BBS9: variants seen among roughly 807,000 people sequenced by gnomAD.
BBS9 encodes Bardet-Biedl syndrome 9, also known as protein PTHB1.
A neutral mutation model predicts 117.7 loss-of-function variants in BBS9; 89 were observed. The ratio of observed to expected loss-of-function variants is 0.76; its 90% CI spans 0.64 to 0.90. The LOEUF (loss-of-function observed/expected upper bound fraction) is 0.90. Ranked by LOEUF, BBS9 falls within the 40% of genes least tolerant of loss-of-function variation. BBS9 has a pLI of 0.00. For synonymous variants in BBS9, 379 were observed against 370.9 expected (o/e 1.02, Z -0.25); for missense variants, 982 against 1,042.2 (o/e 0.94, Z 0.80).
chr7:33,305,750 G>A (rs375809884), intron 9 of BBS9, among the ~76,000 whole-genome samples: 1 of 151,902 alleles, frequency 6.6e-6, no homozygotes, highest in South Asian at 2.1e-4. Flanking sequence ...TGGTTGTAAT[G>A]TCTCCCTTTT....
chr7:33,151,791 T>C (rs771061108), intron 2 of BBS9, among the ~76,000 whole-genome samples: 21 of 151,656 alleles, frequency 1.4e-4, no homozygotes, highest in Non-Finnish European at 2.8e-4. Flanking sequence ...TCTCAAGTGA[T>C]CTGCCTGCCT....
chr7:33,572,099 C>T (rs1857898379), intron 21 of BBS9, among the ~76,000 whole-genome samples: 1 of 151,900 alleles, frequency 6.6e-6, no homozygotes, highest in African/African-American at 2.4e-5. Context: ...TCCTCACTAC[C>T]CTCCCAGCCT....
intron 19 of BBS9, among the ~76,000 whole-genome samples, chr7:33,505,183 A>AGG (rs1353831133): frequency 6.6e-6 from 1 of 152,222 alleles, no homozygotes; most frequent in Non-Finnish European, 1.5e-5. Context: ...GAAAGTCAAT[A>AGG]GATGGCAAAG....
chr7:33,558,275 G>A (rs937393658), intron 21 of BBS9, among the ~76,000 whole-genome samples: 1 of 152,148 alleles, frequency 6.6e-6, no homozygotes, highest in Non-Finnish European at 1.5e-5. Context: ...GTAATTAGAT[G>A]AAGGCAGTAA....
At chr7:33,242,639 T>C (rs1238242762) in intron 5 of BBS9, among the ~76,000 whole-genome samples, 1 of 152,156 alleles carries the variant, frequency 6.6e-6, no homozygotes, top group Non-Finnish European at 1.5e-5. Flanking sequence ...TATGCTATTC[T>C]CCTCCTCTAC....
chr7:33,583,720 A>G (rs1300182418), intron 21 of BBS9, among the ~76,000 whole-genome samples: 3 of 152,082 alleles, frequency 2.0e-5, no homozygotes, highest in Non-Finnish European at 4.4e-5. Context: ...TGACCTGGAG[A>G]GGCCAAATGC....
chr7:33,497,263 C>T (rs995199310), intron 19 of BBS9, among the ~76,000 whole-genome samples: 2 of 152,170 alleles, frequency 1.3e-5, no homozygotes, highest in Non-Finnish European at 2.9e-5. Context: ...GGGTTCCATT[C>T]AAATTGGGAG....
chr7:33,412,915 C>A (rs952604078), intron 19 of BBS9, among the ~76,000 whole-genome samples: 1 of 152,068 alleles, frequency 6.6e-6, no homozygotes, highest in African/African-American at 2.4e-5. Context: ...CTTGAGTTAG[C>A]CTTTTATTCT....
chr7:33,291,793 A>G (rs1295259156), intron 9 of BBS9, among the ~76,000 whole-genome samples: 1 of 152,210 alleles, frequency 6.6e-6, no homozygotes, highest in African/African-American at 2.4e-5. Flanking sequence ...TCAGGAAGCC[A>G]TGTAGCATGG....
chr7:33,557,222 G>C (rs1855422002), intron 21 of BBS9, among the ~76,000 whole-genome samples: 2 of 152,074 alleles, frequency 1.3e-5, no homozygotes, highest in Non-Finnish European at 2.9e-5. Context: ...ATTATCCCAA[G>C]GTGCTTAATT....
intron 19 of BBS9, among the ~76,000 whole-genome samples, chr7:33,416,636 C>A (rs1270247406): frequency 6.6e-6 from 1 of 152,096 alleles, no homozygotes; most frequent in Non-Finnish European, 1.5e-5. Flanking sequence ...ACAGTGATGG[C>A]CACCATGCCT....
At chr7:33,344,052 C>A (rs1260962766) in intron 11 of BBS9, among the ~76,000 whole-genome samples, 2 of 148,710 alleles carry the variant, frequency 1.3e-5, no homozygotes, top group East Asian at 3.9e-4. Flanking sequence ...AAATATGTGA[C>A]CTTTTCTTTC....
rs1259187137 is a variant in BBS9, at chr7:33,363,949, T to A, written c.1694-3818T>A. ...CTATATTTTTATTTTTTTTTTTATT[T>A]TTTATTTTTTTTTTTTTGAGACGGA... is the stretch of plus-strand genomic sequence containing the variant. On this transcript the variant is annotated intron_variant, in intron 16 of 22. Coordinates refer to ENST00000242067, the MANE Select transcript of BBS9 (RefSeq NM_198428.3). Among the ~76,000 whole-genome samples, 17 of 31,556 alleles carry A rather than the reference T, an allele frequency of 5.4e-4. 6 individuals carry two copies. Among genetic ancestry groups the A allele is most frequent in the African/African-American group, 2.4e-3 (15 of 6,336 alleles). 20.7% of individuals were successfully genotyped at this position (31,556 alleles called of 152,430 possible). A position where few individuals can be genotyped will look rare whatever the true frequency, so the allele number is the denominator to read the frequency against.
chr7:33,313,961 G>A (rs1809889495), intron 9 of BBS9, among the ~76,000 whole-genome samples: 1 of 152,098 alleles, frequency 6.6e-6, no homozygotes, highest in South Asian at 2.1e-4. Flanking sequence ...CTGGCTCCTG[G>A]GTTTTTGTGT....
chr7:33,527,136 C>T (rs1170899421), intron 20 of BBS9, among the ~76,000 whole-genome samples: 3 of 151,844 alleles, frequency 2.0e-5, no homozygotes, highest in Non-Finnish European at 4.4e-5. Context: ...CTGGGAGAAC[C>T]GCTGCTCTCT....
intron 20 of BBS9, among the ~76,000 whole-genome samples, chr7:33,506,380 G>A (rs1005929710): frequency 6.6e-6 from 1 of 152,100 alleles, no homozygotes; most frequent in Non-Finnish European, 1.5e-5. Flanking sequence ...AACATTTCAA[G>A]GGGAAATCAT....
intron 21 of BBS9, among the ~76,000 whole-genome samples, chr7:33,550,791 G>A (rs1295020368): frequency 2.6e-5 from 4 of 151,948 alleles, no homozygotes; most frequent in Non-Finnish European, 5.9e-5. Flanking sequence ...CTTGTTCCTG[G>A]TGGTTCTCAG....
At chr7:33,532,380 A>G (rs766499340) in intron 20 of BBS9, among the ~76,000 whole-genome samples, 3 of 152,226 alleles carry the variant, frequency 2.0e-5, no homozygotes, top group Non-Finnish European at 2.9e-5. Flanking sequence ...TCATGCAGCT[A>G]TAAGGAAATA....
chr7:33,154,028 A>G (rs996158724), intron 3 of BBS9, among the ~76,000 whole-genome samples: 11 of 152,192 alleles, frequency 7.2e-5, no homozygotes, highest in Non-Finnish European at 1.6e-4. Context: ...GCCCTCATCT[A>G]TGTGCTCACA....
Sources: gnomAD v4.1 joint callset for allele counts (sites outside exome capture counted in the v4.1 genomes callset) on GRCh38, gnomAD v4.1.1 for gene constraint, MANE v1.5 for transcripts, NCBI Gene and HGNC (gene_info 2026-07-23, HGNC 2026-07-21) for gene names.